The following CSMD3 variants were observed in gnomAD, a reference collection of about 807,000 sequenced individuals.
CSMD3 encodes CUB and sushi domain-containing protein 3.
Under a neutral mutation model 435.2 loss-of-function variants are expected in CSMD3, and 177 were observed. The ratio of observed to expected loss-of-function variants is 0.41; its 90% confidence interval spans 0.36 to 0.46. CSMD3 has a LOEUF of 0.46. Ranked by LOEUF, CSMD3 falls within the 20% of genes least tolerant of loss-of-function variation. The pLI is 0.34. For missense variants in CSMD3, 4,265 were observed against 4,504.6 expected (o/e 0.95, Z 1.52); for synonymous variants, 1,656 against 1,520.5 (o/e 1.09, Z -2.07).
At chr8:113,164,165 T>C (rs1486103120) in intron 4 of CSMD3, among the ~76,000 whole-genome samples, 1 of 152,038 alleles carries the variant, frequency 6.6e-6, no homozygotes, top group African/African-American at 2.4e-5. Flanking sequence ...CTTTTGTAAA[T>C]TAACCTTGCT....
intron 1 of CSMD3, chr8:113,377,022 G>C: frequency 1.5e-6 from 2 of 1,318,528 alleles, no homozygotes; most frequent in South Asian, 2.6e-5. Flanking sequence ...AGGGAGTGGG[G>C]TGGGGTGGGG....
At chr8:112,857,382 A>G (rs890391095) in intron 11 of CSMD3, among the ~76,000 whole-genome samples, 1 of 151,788 alleles carries the variant, frequency 6.6e-6, no homozygotes, top group African/African-American at 2.4e-5. Context: ...CTGAAACTTC[A>G]GGTAATTCTG....
At chr8:113,302,516 A>C (rs2093780995) in intron 2 of CSMD3, among the ~76,000 whole-genome samples, 1 of 151,300 alleles carries the variant, frequency 6.6e-6, no homozygotes, top group South Asian at 2.1e-4. Flanking sequence ...AAAATGTCTT[A>C]TCTAAACATT....
At chr8:112,281,432 TTTCAA>T in intron 58 of CSMD3, 82 bp from the exon 59 acceptor site, 1 of 1,086,350 alleles carries the variant, frequency 9.2e-7, no homozygotes, top group Non-Finnish European at 1.4e-6. Context: ...TAAACGATTC[TTTCAA>T]ATTATTCAAA....
intron 3 of CSMD3, among the ~76,000 whole-genome samples, chr8:113,178,385 G>T (rs1226964927): frequency 6.6e-6 from 1 of 151,780 alleles, no homozygotes; most frequent in Non-Finnish European, 1.5e-5. Context: ...TCTACAAAAG[G>T]CAGATATTCA....
chr8:112,663,508 G>GA (rs2075440075), intron 17 of CSMD3, among the ~76,000 whole-genome samples: 1 of 108,496 alleles, frequency 9.2e-6, no homozygotes, highest in African/African-American at 3.5e-5. Flanking sequence ...AGGGGGGAGG[G>GA]ATAGCATTAG....
At chr8:112,817,567 C>T (rs575450482) in intron 12 of CSMD3, among the ~76,000 whole-genome samples, 5 of 152,064 alleles carry the variant, frequency 3.3e-5, no homozygotes, top group Admixed American at 6.6e-5. Context: ...TGTCACTAGA[C>T]GACTCTGAAG....
At chr8:113,353,048 T>C (rs540091965) in intron 1 of CSMD3, among the ~76,000 whole-genome samples, 4 of 152,130 alleles carry the variant, frequency 2.6e-5, no homozygotes, top group East Asian at 3.9e-4. Flanking sequence ...TTTTGAACTG[T>C]TGAGGAGAGG....
intron 13 of CSMD3, among the ~76,000 whole-genome samples, chr8:112,770,433 C>T (rs1177637384): frequency 6.6e-6 from 1 of 152,028 alleles, no homozygotes; most frequent in Non-Finnish European, 1.5e-5. Context: ...GACACCAAAC[C>T]TACCAATGCC....
chr8:112,642,367 T>C (rs190984427), intron 20 of CSMD3, among the ~76,000 whole-genome samples: 1 of 152,294 alleles, frequency 6.6e-6, no homozygotes, highest in African/African-American at 2.4e-5. Flanking sequence ...TCTCATGGTG[T>C]CCTTGTAAAT....
intron 63 of CSMD3, among the ~76,000 whole-genome samples, chr8:112,252,320 C>T (rs1024490061): frequency 1.3e-5 from 2 of 151,910 alleles, no homozygotes; most frequent in Non-Finnish European, 2.9e-5. Flanking sequence ...AAATGATTCA[C>T]TCTTGGCCAT....
At chr8:113,182,525 A>C (rs1378775864) in intron 3 of CSMD3, among the ~76,000 whole-genome samples, 1 of 151,716 alleles carries the variant, frequency 6.6e-6, no homozygotes, top group African/African-American at 2.4e-5. Context: ...CTGCCAAAAA[A>C]AAAAACAAAA....
At chr8:112,577,996 T>C (rs1830070784) in intron 23 of CSMD3, among the ~76,000 whole-genome samples, 1 of 152,128 alleles carries the variant, frequency 6.6e-6, no homozygotes, top group Non-Finnish European at 1.5e-5. Context: ...TCCAATTTAT[T>C]CCTCCTCTTG....
At chr8:112,964,068 T>C (rs1484734291) in intron 7 of CSMD3, among the ~76,000 whole-genome samples, 2 of 151,990 alleles carry the variant, frequency 1.3e-5, no homozygotes, top group African/African-American at 4.8e-5. Context: ...AGGTACTCTA[T>C]GTGTACTATC....
chr8:112,672,553 C>T (rs924493262), intron 16 of CSMD3, among the ~76,000 whole-genome samples: 1 of 152,030 alleles, frequency 6.6e-6, no homozygotes, highest in Non-Finnish European at 1.5e-5. Context: ...GTGGACCACA[C>T]AGGAAATTTA....
intron 32 of CSMD3, among the ~76,000 whole-genome samples, chr8:112,465,804 A>T (rs557389001): frequency 1.0e-3 from 157 of 152,020 alleles, no homozygotes; most frequent in Non-Finnish European, 4.0e-4. Flanking sequence ...GTGAAACCTC[A>T]TCTCTACTAA....
chr8:113,003,339 T>G (rs2085938366), intron 6 of CSMD3, among the ~76,000 whole-genome samples: 1 of 152,112 alleles, frequency 6.6e-6, no homozygotes, highest in Non-Finnish European at 1.5e-5. Context: ...TTCCTTCAAT[T>G]TTTGTTCTTC....
intron 6 of CSMD3, among the ~76,000 whole-genome samples, chr8:113,018,137 C>A (rs559640275): frequency 1.1e-4 from 17 of 152,122 alleles, no homozygotes; most frequent in African/African-American, 4.1e-4. Flanking sequence ...AGTCAAATTA[C>A]AAATCACATC....
intron 3 of CSMD3, among the ~76,000 whole-genome samples, chr8:113,177,468 T>C (rs2092363320): frequency 6.6e-6 from 1 of 151,984 alleles, no homozygotes; most frequent in Non-Finnish European, 1.5e-5. Flanking sequence ...GACAGTAATA[T>C]ATTGATTAAG....
Sources: gnomAD v4.1 joint callset for allele counts (sites outside exome capture counted in the v4.1 genomes callset) on GRCh38, gnomAD v4.1.1 for gene constraint, MANE v1.5 for transcripts, NCBI Gene and HGNC (gene_info 2026-07-23, HGNC 2026-07-21) for gene names.